TBC1D8: variants seen among roughly 807,000 people sequenced by gnomAD.
The protein encoded by TBC1D8 is TBC1 domain family member 8.
Under a neutral mutation model 118.8 loss-of-function variants are expected in TBC1D8, and 65 were observed. The observed-to-expected ratio is 0.55, with a 90% CI of 0.45 to 0.67. The LOEUF is 0.67. Among genes scored for constraint, TBC1D8 ranks in the 30% least tolerant of loss-of-function variants. The pLI is 0.00. For missense variants in TBC1D8, 1,376 were observed against 1,471.2 expected (o/e 0.94, Z 1.06); for synonymous variants, 566 against 595.8 (o/e 0.95, Z 0.73).
intron 2 of TBC1D8, among the ~76,000 whole-genome samples, chr2:101,062,195 G>T (rs970916882): frequency 4.6e-5 from 7 of 152,118 alleles, no homozygotes; most frequent in Non-Finnish European, 1.0e-4. Flanking sequence ...TCTTGCACAA[G>T]CACCTGGGGT....
In TBC1D8 at chr2:101,121,993, T is replaced by C. The variant is rs540645455; in HGVS notation, c.127+29134A>G. Among the ~76,000 whole-genome samples the C allele has an allele frequency of 3.3e-5, 5 of 151,210 alleles. 1 individual carries two copies. The highest frequency in any genetic ancestry group is 1.2e-4 in the African/African-American group (5 of 41,266). ...GGGCAAGAGAACTGCTTGAACCCGGTAGGCAGAGGTTGCAGTGAGCTGAGA... is the reference window on the plus strand; with the variant it reads ...GGGCAAGAGAACTGCTTGAACCCGGCAGGCAGAGGTTGCAGTGAGCTGAGA... On this transcript the variant is annotated intron_variant, in intron 1 of 19. Coordinates refer to ENST00000409318, the MANE Select transcript of TBC1D8 (RefSeq NM_001330348.2).
In TBC1D8 at chr2:101,151,319, C is replaced by A; in HGVS notation, c.-66G>T. The A allele has an allele frequency of 1.8e-6, 2 of 1,092,558 alleles. No homozygotes were observed. Among genetic ancestry groups the A allele is most frequent in the Non-Finnish European group, 2.2e-6 (2 of 888,914 alleles). The allele number at this position is 1,092,558 out of a possible 1,614,324, so 67.7% of individuals were successfully genotyped here. A position where few individuals can be genotyped will look rare whatever the true frequency, so the allele number is the denominator to read the frequency against. ...TCCCCGGCCGCCGGTCGCTGTGAGCCGAGCCCGCTCGAGAGGCGACGGCGG... is the reference window on the plus strand; with the variant it reads ...TCCCCGGCCGCCGGTCGCTGTGAGCAGAGCCCGCTCGAGAGGCGACGGCGG... On this transcript the variant is annotated 5_prime_UTR_variant, in exon 1 of 20. Transcript: ENST00000409318.
intron 1 of TBC1D8, among the ~76,000 whole-genome samples, chr2:101,098,323 G>T (rs1472485621): frequency 6.6e-6 from 1 of 151,844 alleles, no homozygotes; most frequent in Non-Finnish European, 1.5e-5. Flanking sequence ...ATGTTGCAGT[G>T]AGCTGAGATC....
At chr2:101,127,788 T>C (rs1257473629) in intron 1 of TBC1D8, among the ~76,000 whole-genome samples, 2 of 152,244 alleles carry the variant, frequency 1.3e-5, no homozygotes, top group African/African-American at 2.4e-5. Flanking sequence ...CTGGAGGAAG[T>C]TGGTGGAGGA....
rs536183707 is a variant in TBC1D8, at chr2:101,062,798, C to T, written c.284-3259G>A. ...CTGGGACCACAGGCGCACACCACCA[C>T]GCCTGGCTAACTTTTGTATTGTTAG... On this transcript the variant is annotated intron_variant, in intron 2 of 19. Transcript: ENST00000409318. 5.3e-5 allele frequency among the ~76,000 whole-genome samples: 8 copies of T among 152,274 alleles called. No individual in the cohort carries two copies. In the South Asian group the frequency reaches 6.2e-4, roughly 12 times the overall value.
chr2:101,115,554 C>T (rs1677783096), intron 1 of TBC1D8, among the ~76,000 whole-genome samples: 1 of 152,032 alleles, frequency 6.6e-6, no homozygotes, highest in Admixed American at 6.6e-5. Context: ...AGTTCAAGAC[C>T]AGCCTGGCCA....
At chr2:101,084,393 C>A (rs540530850) in intron 2 of TBC1D8, among the ~76,000 whole-genome samples, 1 of 152,114 alleles carries the variant, frequency 6.6e-6, no homozygotes, top group Non-Finnish European at 1.5e-5. Flanking sequence ...CACTAAAAAT[C>A]AAAAAATTTG....
At chr2:101,016,345 A>G (rs1166518054) in intron 17 of TBC1D8, among the ~76,000 whole-genome samples, 3 of 151,560 alleles carry the variant, frequency 2.0e-5, no homozygotes, top group Non-Finnish European at 3.0e-5. Flanking sequence ...ACTGGCCATC[A>G]GAGAAATGCA....
Position 101,095,205 on chromosome 2 carries a change from C to T in TBC1D8, c.128-4841G>A, listed in dbSNP as rs1045165026. On this transcript the variant is annotated intron_variant, in intron 1 of 19. Transcript: ENST00000409318. ...GTAATCATTGTTCAATATCCTCAGG[C>T]CGTTCTCCATTAATAAAGGCCAACG... Among the ~76,000 whole-genome samples the T allele has an allele frequency of 2.0e-5, 3 of 152,026 alleles. No individual in the cohort carries two copies. The East Asian group carries it at 5.8e-4, about 29-fold the overall frequency.
chr2:101,027,257 G>C, intron 15 of TBC1D8, 126 bp downstream of exon 15: 3 of 778,534 alleles, frequency 3.9e-6, no homozygotes, highest in Non-Finnish European at 4.3e-6. Context: ...GCTTCAAGGG[G>C]GGCAGCTCCG....
intron 1 of TBC1D8, among the ~76,000 whole-genome samples, chr2:101,117,695 T>A (rs1278518612): frequency 6.7e-6 from 1 of 150,076 alleles, no homozygotes; most frequent in African/African-American, 2.5e-5. Context: ...TGCCTCAGCC[T>A]CCTGAGTAGC....
chr2:101,069,447 G>T (rs868344431), intron 2 of TBC1D8, among the ~76,000 whole-genome samples: 1 of 152,008 alleles, frequency 6.6e-6, no homozygotes, highest in Non-Finnish European at 1.5e-5. Context: ...TTTGCCGGGC[G>T]TGGTGGTGCT....
chr2:101,081,899 G>A (rs1427295607), intron 2 of TBC1D8, among the ~76,000 whole-genome samples: 1 of 152,220 alleles, frequency 6.6e-6, no homozygotes, highest in Non-Finnish European at 1.5e-5. Flanking sequence ...AGCACTTTGG[G>A]AGGCTGGGGC....
chr2:101,084,560 A>G (rs62155196), intron 2 of TBC1D8, among the ~76,000 whole-genome samples: 58,134 of 151,886 alleles, frequency 0.38, 11,296 homozygotes, highest in Middle Eastern at 0.45. Flanking sequence ...CAAAAAAAAG[A>G]AACACACATC....
intron 2 of TBC1D8, among the ~76,000 whole-genome samples, chr2:101,081,721 A>G (rs1054756779): frequency 8.5e-5 from 13 of 152,234 alleles, no homozygotes; most frequent in African/African-American, 2.9e-4. Flanking sequence ...TTGCATAATC[A>G]ATTCAATTCT....
chr2:101,073,821 G>A (rs926744686), intron 2 of TBC1D8, among the ~76,000 whole-genome samples: 1 of 152,198 alleles, frequency 6.6e-6, no homozygotes, highest in African/African-American at 2.4e-5. Context: ...AACCTTCACA[G>A]AATTTAAGAA....
chr2:101,086,587 G>A (rs1162968272), intron 2 of TBC1D8, among the ~76,000 whole-genome samples: 1 of 151,796 alleles, frequency 6.6e-6, no homozygotes, highest in Non-Finnish European at 1.5e-5. Flanking sequence ...AAAACAATCG[G>A]TGCTGCCTGA....
intron 1 of TBC1D8, among the ~76,000 whole-genome samples, chr2:101,116,534 A>T (rs1397854483): frequency 1.3e-5 from 2 of 152,150 alleles, no homozygotes; most frequent in Non-Finnish European, 2.9e-5. Context: ...CGCCCCTTCC[A>T]AAAAAGATAC....
intron 1 of TBC1D8, among the ~76,000 whole-genome samples, chr2:101,094,135 C>T (rs1239812144): frequency 1.3e-5 from 2 of 152,116 alleles, no homozygotes; most frequent in African/African-American, 2.4e-5. Flanking sequence ...CTTAATAACC[C>T]TCAGAAAAGA....
Sources: allele counts gnomAD v4.1 joint callset (sites outside exome capture counted in the v4.1 genomes callset), GRCh38; gene constraint gnomAD v4.1.1; transcripts MANE v1.5; gene names NCBI Gene and HGNC (gene_info 2026-07-23, HGNC 2026-07-21).